The following RAB27A variants were observed in gnomAD, a reference collection of about 807,000 sequenced individuals.
RAB27A encodes ras-related protein Rab-27A.
A neutral mutation model predicts 20.8 loss-of-function variants in RAB27A; 17 were observed. The observed-to-expected ratio is 0.82, with a 90% CI of 0.56 to 1.23. RAB27A has a LOEUF of 1.23. Among genes scored for constraint, RAB27A ranks in the 50% most tolerant of loss-of-function variants. The pLI, the probability that RAB27A is intolerant of heterozygous loss-of-function variation, is 0.00. For synonymous variants in RAB27A, 85 were observed against 92.8 expected (o/e 0.92, Z 0.48); for missense variants, 277 against 266.7 (o/e 1.04, Z -0.27).
chr15:55,272,124 G>T (rs1595738861), intron 1 of RAB27A, among the ~76,000 whole-genome samples: 1 of 152,146 alleles, frequency 6.6e-6, no homozygotes, highest in East Asian at 1.9e-4. Context: ...TCAACCATCA[G>T]GATATATAGG....
At chr15:55,257,348 T>G (rs1050668816) in intron 2 of RAB27A, among the ~76,000 whole-genome samples, 1 of 151,840 alleles carries the variant, frequency 6.6e-6, no homozygotes, top group South Asian at 2.1e-4. Flanking sequence ...TAGCCAACAG[T>G]GAAAGCTCCA....
chr15:55,303,790 G>A (rs1314912169), intron 2 of RAB27A, among the ~76,000 whole-genome samples: 1 of 125,670 alleles, frequency 8.0e-6, no homozygotes, highest in African/African-American at 3.3e-5. Context: ...AGGGAGGTGG[G>A]GGGGTCAGCC....
intron 2 of RAB27A, among the ~76,000 whole-genome samples, chr15:55,246,144 ACACCAAAACATACAT>A (rs1276327639): frequency 6.6e-6 from 1 of 151,610 alleles, no homozygotes; most frequent in African/African-American, 2.4e-5. Flanking sequence ...TGCTTCCAAA[ACACCAAAACATACAT>A]CATTTTTAAC....
chr15:55,242,666 G>T (rs939523653), intron 2 of RAB27A, among the ~76,000 whole-genome samples: 4 of 152,210 alleles, frequency 2.6e-5, no homozygotes, highest in African/African-American at 9.6e-5. Context: ...AGAAATTTAA[G>T]TTAAGTACAA....
chr15:55,300,894 C>A (rs28540063), intron 2 of RAB27A, among the ~76,000 whole-genome samples: 41,522 of 151,992 alleles, frequency 0.27, 6,919 homozygotes, highest in East Asian at 0.55. Flanking sequence ...GCTGTATCCA[C>A]CCCTGGGGAA....
At chr15:55,280,552 A>C (rs12595316) in intron 1 of RAB27A, among the ~76,000 whole-genome samples, 7,687 of 149,264 alleles carry the variant, frequency 0.051, 280 homozygotes, top group East Asian at 0.16. Flanking sequence ...GTACATGTGC[A>C]CAATGTGCAG....
At chr15:55,283,125 C>T (rs1898059258) in intron 1 of RAB27A, among the ~76,000 whole-genome samples, 2 of 152,142 alleles carry the variant, frequency 1.3e-5, no homozygotes, top group Non-Finnish European at 2.9e-5. Context: ...GCACTGTTGA[C>T]ATTTTAGGCA....
intron 6 of RAB27A, among the ~76,000 whole-genome samples, chr15:55,220,832 A>C (rs976164551): frequency 6.6e-6 from 1 of 152,224 alleles, no homozygotes; most frequent in African/African-American, 2.4e-5. Flanking sequence ...CATGTGAACC[A>C]AATTTTTCCA....
intron 1 of RAB27A, among the ~76,000 whole-genome samples, chr15:55,275,465 A>G (rs1466751814): frequency 1.3e-5 from 2 of 151,880 alleles, no homozygotes; most frequent in African/African-American, 4.8e-5. Flanking sequence ...CATCTCTACT[A>G]AAAATACAAA....
intron 2 of RAB27A, among the ~76,000 whole-genome samples, chr15:55,303,050 C>A (rs867673501): frequency 1.4e-5 from 2 of 144,176 alleles, no homozygotes; most frequent in South Asian, 2.2e-4. Context: ...TCAGCCCCCC[C>A]GCCCGGCCAG....
intron 1 of RAB27A, among the ~76,000 whole-genome samples, chr15:55,273,344 G>C (rs1212733122): frequency 6.6e-6 from 1 of 151,576 alleles, no homozygotes; most frequent in Non-Finnish European, 1.5e-5. Flanking sequence ...GGGAGGCGGA[G>C]GTTGCAGTGA....
intron 2 of RAB27A, among the ~76,000 whole-genome samples, chr15:55,303,137 G>T (rs2054981049): frequency 7.7e-6 from 1 of 129,262 alleles, no homozygotes; most frequent in Non-Finnish European, 1.7e-5. Flanking sequence ...GAGGTGGGGG[G>T]GTCAGCCCCC....
intron 4 of RAB27A, among the ~76,000 whole-genome samples, chr15:55,228,938 C>T (rs1239420242): frequency 6.6e-6 from 1 of 152,216 alleles, no homozygotes; most frequent in Non-Finnish European, 1.5e-5. Flanking sequence ...CAAGAACCAG[C>T]TTGTGATCTT....
chr15:55,206,736 C>T (rs28708989), intron 6 of RAB27A, among the ~76,000 whole-genome samples: 40,559 of 151,838 alleles, frequency 0.27, 7,002 homozygotes, highest in African/African-American at 0.49. Context: ...GAAGAACATA[C>T]AACAGTCTTA....
At chr15:55,227,305 C>G (rs1057012281) in intron 5 of RAB27A, among the ~76,000 whole-genome samples, 23 of 142,740 alleles carry the variant, frequency 1.6e-4, no homozygotes, top group African/African-American at 5.8e-4. Context: ...TGCGCACTCT[C>G]TAGTGATCCT....
At chr15:55,267,198 T>C (rs1595734187) in intron 2 of RAB27A, among the ~76,000 whole-genome samples, 1 of 152,340 alleles carries the variant, frequency 6.6e-6, no homozygotes, top group South Asian at 2.1e-4. Context: ...ATTGAGCTAT[T>C]TGCTGGATTT....
intron 6 of RAB27A, among the ~76,000 whole-genome samples, chr15:55,214,015 G>A (rs1053823399): frequency 6.6e-6 from 1 of 152,210 alleles, no homozygotes; most frequent in African/African-American, 2.4e-5. Flanking sequence ...TATATGTGTA[G>A]GGACATAAGG....
At chr15:55,292,559 G>A (rs1050435373), upstream of RAB27A, among the ~76,000 whole-genome samples, 4 of 152,252 alleles carry the variant, frequency 2.6e-5, no homozygotes, top group African/African-American at 9.6e-5. Flanking sequence ...GTAGGGGTGT[G>A]AAAGAGAGGC....
intron 4 of RAB27A, among the ~76,000 whole-genome samples, chr15:55,229,170 C>T (rs1895934998): frequency 6.6e-6 from 1 of 152,048 alleles, no homozygotes; most frequent in Non-Finnish European, 1.5e-5. Context: ...CTCTGCCTTC[C>T]AAGGCTTTAT....
Sources: gnomAD v4.1 joint callset for allele counts (sites outside exome capture counted in the v4.1 genomes callset) on GRCh38, gnomAD v4.1.1 for gene constraint, MANE v1.5 for transcripts, NCBI Gene and HGNC (gene_info 2026-07-23, HGNC 2026-07-21) for gene names.